LRCH1: variants seen among roughly 807,000 people sequenced by gnomAD.
LRCH1 encodes the protein leucine-rich repeat and calponin homology domain-containing protein 1.
LRCH1 carries 23 observed loss-of-function variants against 94.9 expected under a neutral mutation model. The observed-to-expected ratio is 0.24, with a 90% CI of 0.17 to 0.34. LRCH1 has a LOEUF of 0.34. Ranked by LOEUF, LRCH1 falls within the 10% of genes least tolerant of loss-of-function variation. LRCH1 has a pLI of 1.00. For missense variants in LRCH1, 790 were observed against 945.9 expected, an observed-to-expected ratio of 0.84 and a Z score of 2.16; for synonymous variants, 364 against 354.9, an observed-to-expected ratio of 1.03 and a Z score of -0.29.
intron 1 of LRCH1, among the ~76,000 whole-genome samples, chr13:46,581,582 C>T (rs1016755973): frequency 1.1e-4 from 17 of 152,216 alleles, no homozygotes; most frequent in Non-Finnish European, 2.2e-4. Flanking sequence ...GTCTGACATT[C>T]TCATCCCCGT....
chr13:46,723,163 G>A, intron 16 of LRCH1, 58 bp from the exon 17 acceptor site: 1 of 885,402 alleles, frequency 1.1e-6, no homozygotes, highest in South Asian at 1.5e-5. Context: ...ATTTTAATAT[G>A]AATAGCCCTA....
rs141722183 is a variant in LRCH1, at chr13:46,650,341, T to C, written c.448T>C (p.Leu150=). The change falls in exon 2 of 20, where the codon TTG becomes CTG. Residue 150 remains leucine (L), a synonymous_variant. Coordinates refer to ENST00000389797, the MANE Select transcript of LRCH1 (RefSeq NM_001164211.2). ...TCTGCAGATGCTGACTTACCTGAACTTGAGGTAGGTTAAACATAAAAGTTG... is the reference window on the plus strand; with the variant it reads ...TCTGCAGATGCTGACTTACCTGAACCTGAGGTAGGTTAAACATAAAAGTTG... ...VNLQMLTYLN[L]SRNQLSALPA... 2.8e-5 allele frequency: 45 copies of C among 1,589,868 alleles called. No homozygotes were observed. The Admixed American group carries it at 7.6e-4, about 27-fold the overall frequency.
intron 1 of LRCH1, among the ~76,000 whole-genome samples, chr13:46,629,054 C>A (rs2050987023): frequency 6.6e-6 from 1 of 152,162 alleles, no homozygotes; most frequent in Non-Finnish European, 1.5e-5. Flanking sequence ...CTGAACTCCA[C>A]AAATTAAATA....
chr13:46,628,492 C>T (rs2050977327), intron 1 of LRCH1, among the ~76,000 whole-genome samples: 1 of 151,902 alleles, frequency 6.6e-6, no homozygotes, highest in Non-Finnish European at 1.5e-5. Context: ...CCCGTCTCCA[C>T]TAAAAGTACA....
At chr13:46,575,790 C>T (rs575954849) in intron 1 of LRCH1, among the ~76,000 whole-genome samples, 1 of 152,240 alleles carries the variant, frequency 6.6e-6, no homozygotes, top group East Asian at 1.9e-4. Context: ...CTTTCTCTCT[C>T]TCTTTAAATT....
intron 19 of LRCH1, among the ~76,000 whole-genome samples, chr13:46,739,843 G>A (rs1349821237): frequency 2.6e-5 from 4 of 152,102 alleles, no homozygotes. Context: ...TTGTTTCCTG[G>A]ATGAGAAGAA....
At chr13:46,681,044 G>C (rs1331554703) in intron 3 of LRCH1, among the ~76,000 whole-genome samples, 1 of 152,164 alleles carries the variant, frequency 6.6e-6, no homozygotes, top group African/African-American at 2.4e-5. Flanking sequence ...AAATGTCAAG[G>C]CCTCCATTTC....
In LRCH1 at chr13:46,691,412, G is replaced by A. The variant is rs188595826; in HGVS notation, c.1015-1124G>A. The stretch of plus-strand genomic sequence containing the variant: ...AGTTGTTTAGCATTTTTATATATGT[G>A]ATGCAGCTTCCTCAGCCTAAAACAG... On this transcript the variant is annotated intron_variant, in intron 7 of 19. Transcript: ENST00000389797. Among the ~76,000 whole-genome samples, 261 of 152,322 alleles carry A rather than the reference G, an allele frequency of 1.7e-3. 1 individual carries two copies. The highest frequency in any genetic ancestry group is 6.2e-3 in the African/African-American group (256 of 41,570).
At chr13:46,591,576 C>T (rs1362954753) in intron 1 of LRCH1, among the ~76,000 whole-genome samples, 6 of 152,200 alleles carry the variant, frequency 3.9e-5, no homozygotes, top group Non-Finnish European at 7.3e-5. Context: ...CCCCCAGGTT[C>T]CTGCAGGCAA....
intron 14 of LRCH1, among the ~76,000 whole-genome samples, chr13:46,712,168 A>G (rs1008904413): frequency 1.3e-5 from 2 of 152,222 alleles, no homozygotes; most frequent in South Asian, 2.1e-4. Context: ...TACTGAGTTC[A>G]GTATTATCTG....
intron 2 of LRCH1, among the ~76,000 whole-genome samples, chr13:46,660,110 C>T (rs1471357010): frequency 1.3e-5 from 2 of 149,748 alleles, no homozygotes; most frequent in Non-Finnish European, 3.0e-5. Context: ...CTCCTTGGTT[C>T]ACGCCATTCT....
chr13:46,728,692 G>T (rs1447418523), intron 17 of LRCH1, among the ~76,000 whole-genome samples, 155 bp from the exon 18 acceptor site: 5 of 152,162 alleles, frequency 3.3e-5, no homozygotes, highest in Non-Finnish European at 5.9e-5. Context: ...ATACTGTTTG[G>T]AAAGAGTTAA....
chr13:46,705,301 T>C lies in LRCH1; in HGVS notation c.1524T>C (p.Cys508=). 16 of 1,613,668 alleles carry C rather than the reference T, an allele frequency of 9.9e-6. No individual in the cohort carries two copies. The highest frequency in any genetic ancestry group is 1.4e-5 in the Non-Finnish European group (16 of 1,179,612). The change falls in exon 13 of 20, where the codon TGT becomes TGC. Residue 508 remains cysteine, a synonymous_variant. Coordinates refer to ENST00000389797, the MANE Select transcript of LRCH1 (RefSeq NM_001164211.2). ...TACAGCTGGAGACATCTCCGGTGTG[T>C]GAGGTAAGGCTGCTGGTAGATTCAC... ...GQIQLETSPV[C]EVQSDLTLQS...
At chr13:46,657,758 G>A (rs1451070162) in intron 2 of LRCH1, among the ~76,000 whole-genome samples, 1 of 131,110 alleles carries the variant, frequency 7.6e-6, no homozygotes, top group Non-Finnish European at 1.6e-5. Context: ...CGAGCTCCTG[G>A]GCTCAAGTGA....
intron 18 of LRCH1, among the ~76,000 whole-genome samples, chr13:46,732,986 T>G (rs1390541796): frequency 1.3e-5 from 2 of 152,232 alleles, no homozygotes; most frequent in Admixed American, 1.3e-4. Context: ...GGGCTTTTCT[T>G]TTTGTATTTA....
intron 3 of LRCH1, among the ~76,000 whole-genome samples, chr13:46,675,813 C>T (rs1593344229): frequency 6.6e-6 from 1 of 152,168 alleles, no homozygotes; most frequent in East Asian, 1.9e-4. Flanking sequence ...GCTTCCATTT[C>T]TGCCTTTCTT....
chr13:46,687,798 A>T (rs1566226737), intron 5 of LRCH1, 54 bp from the exon 6 acceptor site: 8 of 1,501,298 alleles, frequency 5.3e-6, no homozygotes, highest in Middle Eastern at 1.7e-4. Context: ...TTTGATACTT[A>T]CATTTTGTTT....
At chr13:46,706,472 C>CCCAA (rs1871765816) in intron 13 of LRCH1, among the ~76,000 whole-genome samples, 1 of 152,160 alleles carries the variant, frequency 6.6e-6, no homozygotes, top group Admixed American at 6.5e-5. Flanking sequence ...CATTGGAAGT[C>CCCAA]TTTTATTTGC....
chr13:46,728,673 G>C (rs183892047), intron 17 of LRCH1, among the ~76,000 whole-genome samples, 174 bp from the exon 18 acceptor site: 1 of 152,316 alleles, frequency 6.6e-6, no homozygotes, highest in Admixed American at 6.5e-5. Context: ...TTTATAAAGA[G>C]AGATTTTGAT....
Sources: allele counts gnomAD v4.1 joint callset (sites outside exome capture counted in the v4.1 genomes callset), GRCh38; gene constraint gnomAD v4.1.1; transcripts MANE v1.5; gene names NCBI Gene and HGNC (gene_info 2026-07-23, HGNC 2026-07-21).